Variants in SCTR observed in about 807,000 individuals in gnomAD.
The protein encoded by SCTR is pancreatic secretin receptor.
SCTR carries 56 observed loss-of-function variants against 60.8 expected under a neutral mutation model. The ratio of observed to expected loss-of-function variants is 0.92; its 90% CI spans 0.74 to 1.15. The LOEUF is 1.15. Ranked by LOEUF, SCTR falls within the 50% of genes most tolerant of loss-of-function variation. SCTR has a pLI of 0.00. For missense variants in SCTR, 562 were observed against 550.4 expected (o/e 1.02, Z -0.21); for synonymous variants, 202 against 217.0 (o/e 0.93, Z 0.61).
chr2:119,450,643 G>A (rs1456024612), intron 9 of SCTR, among the ~76,000 whole-genome samples: 1 of 152,122 alleles, frequency 6.6e-6, no homozygotes, highest in East Asian at 1.9e-4. Context: ...GTAGCTGGGA[G>A]AATGATGAAT....
chr2:119,514,143 G>A (rs1679040349), intron 1 of SCTR, among the ~76,000 whole-genome samples: 1 of 152,096 alleles, frequency 6.6e-6, no homozygotes, highest in Admixed American at 6.6e-5. Flanking sequence ...CTTTCTTTGG[G>A]TTATTTTTCC....
intron 3 of SCTR, chr2:119,476,760 G>A (rs2104842440): frequency 6.5e-6 from 1 of 152,696 alleles, no homozygotes. Context: ...GAAGAGCTTC[G>A]AGTCCTTTCC....
At chr2:119,474,156 C>T (rs1452803294) in intron 3 of SCTR, among the ~76,000 whole-genome samples, 4 of 152,212 alleles carry the variant, frequency 2.6e-5, no homozygotes, top group East Asian at 3.9e-4. Context: ...CTCACTGCCC[C>T]CCACCCCTGG....
rs2276594 is a variant in SCTR at position 119,447,130 on chromosome 2, G to T, written c.1014-245C>A. On this transcript the variant is annotated intron_variant, in intron 10 of 12. Transcript: ENST00000019103. ...ACTTTCTGATCATGCACCTCCATCA[G>T]TAAAAAGAAAAAAAAACGGTACCTA... Among the ~76,000 whole-genome samples the T allele has an allele frequency of 8.8e-6, 1 of 114,250 alleles. No individual in the cohort carries two copies. The highest frequency in any genetic ancestry group is 2.0e-5 in the Non-Finnish European group (1 of 48,892). The allele number at this position is 114,250 out of a possible 152,430, so 75.0% of individuals were successfully genotyped here. A position where few individuals can be genotyped will look rare whatever the true frequency, so the allele number is the denominator to read the frequency against.
chr2:119,453,811 A>G (rs1475985675), intron 7 of SCTR, among the ~76,000 whole-genome samples: 4 of 152,236 alleles, frequency 2.6e-5, no homozygotes, highest in African/African-American at 9.6e-5. Context: ...ATTGGTTTGT[A>G]AAAAGCTTGG....
chr2:119,444,248 CATATACATATGAATATATACAT>C (rs1558830784), intron 11 of SCTR, among the ~76,000 whole-genome samples: 15,384 of 128,500 alleles, frequency 0.12, 1,866 homozygotes, highest in Non-Finnish European at 0.15. Flanking sequence ...AATATATACA[CATATACATATGAATATATACAT>C]ATATACATAT....
At chr2:119,464,723 T>C (rs1683760123) in intron 5 of SCTR, among the ~76,000 whole-genome samples, 1 of 152,116 alleles carries the variant, frequency 6.6e-6, no homozygotes, top group South Asian at 2.1e-4. Context: ...AGCAAGACTT[T>C]GTCTCTAAAT....
At chr2:119,512,349 T>G in intron 1 of SCTR, among the ~76,000 whole-genome samples, 1 of 73,866 alleles carries the variant, frequency 1.4e-5, no homozygotes, top group Non-Finnish European at 2.4e-5. Flanking sequence ...CCCCTTCTCC[T>G]TCTCCTTCTC....
intron 1 of SCTR, among the ~76,000 whole-genome samples, chr2:119,519,952 C>T (rs746151141): frequency 3.3e-5 from 5 of 151,748 alleles, no homozygotes; most frequent in African/African-American, 4.8e-5. Flanking sequence ...CACATCTATC[C>T]AAGTGTCAGT....
At chr2:119,441,776 G>A in intron 11 of SCTR, 177 bp from the exon 12 acceptor site, 1 of 611,090 alleles carries the variant, frequency 1.6e-6, no homozygotes, top group Non-Finnish European at 3.0e-6. Flanking sequence ...GGTGGCCCTG[G>A]CTGTGCTGGC....
In SCTR at chr2:119,512,820, G is replaced by C. The variant is rs555712307; in HGVS notation, c.72+11335C>G. On this transcript the variant is annotated intron_variant, in intron 1 of 12. Transcript: ENST00000019103. ...ACTCTGAGATGATTCCTTTTCTATA[G>C]CATCCTTTTCTAGTTTTGTGGCTCA... Among the ~76,000 whole-genome samples, 17 of 152,204 alleles carry C rather than the reference G, an allele frequency of 1.1e-4. 1 individual carries two copies. In the South Asian group the frequency reaches 3.5e-3, roughly 32 times the overall value.
rs58262510 is a variant in SCTR at position 119,512,340 on chromosome 2, C to CCCTTCT, written c.72+11809_72+11814dup. On this transcript the variant is annotated intron_variant, in intron 1 of 12. Coordinates refer to ENST00000019103, the MANE Select transcript of SCTR (RefSeq NM_002980.3). ...CCCCTTCCCCTTCCCCTTCCCCTTC[C>CCCTTCT]CCTTCTCCTTCTCCTTCTCCTTCTC... Among the ~76,000 whole-genome samples the CCCTTCT allele has an allele frequency of 3.1e-3, 170 of 55,064 alleles. 4 individuals carry two copies. Among genetic ancestry groups the CCCTTCT allele is most frequent in the South Asian group, 2.1e-3 (2 of 946 alleles). 36.1% of individuals were successfully genotyped at this position (55,064 alleles called of 152,430 possible). A position where few individuals can be genotyped will look rare whatever the true frequency, so the allele number is the denominator to read the frequency against.
At chr2:119,507,895 T>A (rs893313238) in intron 1 of SCTR, among the ~76,000 whole-genome samples, 1 of 152,110 alleles carries the variant, frequency 6.6e-6, no homozygotes, top group Non-Finnish European at 1.5e-5. Context: ...GCCAGGATGA[T>A]CTTGATCTCT....
chr2:119,491,072 G>C (rs1678104014), intron 2 of SCTR, among the ~76,000 whole-genome samples: 1 of 152,144 alleles, frequency 6.6e-6, no homozygotes, highest in Admixed American at 6.5e-5. Context: ...CCTGCTTCTG[G>C]GGAATCCAAA....
At chr2:119,471,238 G>A (rs1340971280) in intron 4 of SCTR, among the ~76,000 whole-genome samples, 2 of 152,192 alleles carry the variant, frequency 1.3e-5, no homozygotes, top group South Asian at 2.1e-4. Context: ...AACCTCATCC[G>A]GCCACCCATC....
intron 4 of SCTR, among the ~76,000 whole-genome samples, chr2:119,470,861 C>T (rs145244432): frequency 0.018 from 2,777 of 152,290 alleles, 32 homozygotes; most frequent in South Asian, 0.053. Flanking sequence ...TCACCATGCC[C>T]GGCTAATTTT....
chr2:119,472,334 G>A (rs187004182), intron 4 of SCTR, among the ~76,000 whole-genome samples: 34 of 152,332 alleles, frequency 2.2e-4, no homozygotes, highest in Admixed American at 3.9e-4. Context: ...AATCAGTCAA[G>A]AAAAGAGAGG....
At chr2:119,475,759 G>A (rs1379862538) in intron 3 of SCTR, among the ~76,000 whole-genome samples, 1 of 149,886 alleles carries the variant, frequency 6.7e-6, no homozygotes, top group Non-Finnish European at 1.5e-5. Context: ...TATTTATGCA[G>A]TTCGGGGAAA....
At chr2:119,467,312 G>T (rs1252068995) in intron 4 of SCTR, among the ~76,000 whole-genome samples, 1 of 151,908 alleles carries the variant, frequency 6.6e-6, no homozygotes, top group Non-Finnish European at 1.5e-5. Flanking sequence ...CCGGGAGGTG[G>T]GGGTTGCAGT....
Sources: gnomAD v4.1 joint callset for allele counts (sites outside exome capture counted in the v4.1 genomes callset) on GRCh38, gnomAD v4.1.1 for gene constraint, MANE v1.5 for transcripts, NCBI Gene and HGNC (gene_info 2026-07-23, HGNC 2026-07-21) for gene names.